Variants in ST3GAL3 observed in about 807,000 individuals in gnomAD.
ST3GAL3 encodes the protein CMP-N-acetylneuraminate-beta-1,4-galactoside alpha-2,3-sialyltransferase.
Under a neutral mutation model 50.1 loss-of-function variants are expected in ST3GAL3, and 21 were observed. The ratio of observed to expected loss-of-function variants is 0.42; its 90% CI spans 0.30 to 0.60. The LOEUF (loss-of-function observed/expected upper bound fraction) is 0.60. Among genes scored for constraint, ST3GAL3 ranks in the 20% least tolerant of loss-of-function variants. The probability of loss-of-function intolerance (pLI) is 0.19; values close to 1 mark genes in which losing one functional copy is unlikely to be tolerated. For missense variants in ST3GAL3, 353 were observed against 489.4 expected (o/e 0.72, Z 2.63); for synonymous variants, 183 against 190.0 (o/e 0.96, Z 0.30).
At chr1:43,831,897 C>T (rs566563622) in intron 4 of ST3GAL3, 1 of 152,294 alleles carries the variant, frequency 6.6e-6, no homozygotes, top group South Asian at 2.1e-4. Flanking sequence ...TCCTTCAGCC[C>T]CATATGCCTG....
chr1:43,768,893 AT>A (rs753094421), intron 2 of ST3GAL3, among the ~76,000 whole-genome samples: 3 of 152,270 alleles, frequency 2.0e-5, no homozygotes, highest in Non-Finnish European at 2.9e-5. Context: ...CTCCTTACTC[AT>A]TTTTTTGAGA....
intron 2 of ST3GAL3, among the ~76,000 whole-genome samples, chr1:43,763,498 T>G (rs1691337169): frequency 6.6e-6 from 1 of 152,212 alleles, no homozygotes. Context: ...GGTTATTAAA[T>G]AGGCTCCATT....
At chr1:43,795,074 C>T (rs2058534251) in intron 3 of ST3GAL3, among the ~76,000 whole-genome samples, 1 of 152,036 alleles carries the variant, frequency 6.6e-6, no homozygotes, top group Non-Finnish European at 1.5e-5. Context: ...ACTAGCTGTG[C>T]TTTGTATTAA....
At chr1:43,897,164 T>C (rs2077511584) in intron 6 of ST3GAL3, among the ~76,000 whole-genome samples, 1 of 151,994 alleles carries the variant, frequency 6.6e-6, no homozygotes, top group Non-Finnish European at 1.5e-5. Flanking sequence ...GCAAACACTC[T>C]TGCATGTCTC....
At chr1:43,730,419 C>T (rs1261971927) in intron 1 of ST3GAL3, among the ~76,000 whole-genome samples, 1 of 152,026 alleles carries the variant, frequency 6.6e-6, no homozygotes, top group Admixed American at 6.6e-5. Flanking sequence ...TTTCTAAGAG[C>T]CACTTGCCTT....
At position 43,876,021 on chromosome 1, in the gene ST3GAL3, A is replaced by G. The variant is rs2074053665; in HGVS notation, c.303-18362A>G. On this transcript the variant is annotated intron_variant, in intron 5 of 11. Coordinates refer to ENST00000347631, the MANE Select transcript of ST3GAL3 (RefSeq NM_006279.5). Reference sequence around the variant, plus strand: ...CTCACTCTGTCATCTAGGCTGGAGTACAGTAGTGTGATCTTGGTTCACTGC... The same window carrying G: ...CTCACTCTGTCATCTAGGCTGGAGTGCAGTAGTGTGATCTTGGTTCACTGC... 2.0e-5 allele frequency among the ~76,000 whole-genome samples: 3 copies of G among 151,082 alleles called. No individual in the cohort carries two copies. In the South Asian group the frequency reaches 6.3e-4, roughly 32 times the overall value.
Position 43,714,362 on chromosome 1 carries a change from C to T in ST3GAL3, c.-31+6669C>T, listed in dbSNP as rs142655487. On this transcript the variant is annotated intron_variant, in intron 1 of 11. Coordinates refer to ENST00000347631, the MANE Select transcript of ST3GAL3 (RefSeq NM_006279.5). ...TAGCACTTTGGGAGGCCGAGGTGGG[C>T]GGATTGCCTGAGTTCAGGAGTTCCA... Among the ~76,000 whole-genome samples the T allele has an allele frequency of 5.1e-3, 717 of 141,380 alleles. 3 individuals carry two copies. Among genetic ancestry groups the T allele is most frequent in the Middle Eastern group, 8.3e-3 (2 of 242 alleles). 92.8% of individuals were successfully genotyped at this position (141,380 alleles called of 152,430 possible). A position where few individuals can be genotyped will look rare whatever the true frequency, so the allele number is the denominator to read the frequency against.
chr1:43,810,006 A>AAAAG (rs1364601303), intron 3 of ST3GAL3, among the ~76,000 whole-genome samples: 6 of 151,202 alleles, frequency 4.0e-5, no homozygotes, highest in African/African-American at 1.5e-4. Context: ...AAAAAAAAAA[A>AAAAG]AAAGAAAGAA....
At chr1:43,911,722 A>T (rs2080964168) in intron 9 of ST3GAL3, among the ~76,000 whole-genome samples, 2 of 147,432 alleles carry the variant, frequency 1.4e-5, no homozygotes, top group African/African-American at 5.0e-5. Flanking sequence ...AGGTCTGGCT[A>T]TGTCACCCAG....
chr1:43,920,563 G>C lies in ST3GAL3; in HGVS notation c.891+13G>C. On this transcript the variant is annotated intron_variant, in intron 10 of 11. Coordinates refer to ENST00000347631, the MANE Select transcript of ST3GAL3 (RefSeq NM_006279.5). ...CATGGGCCGGGGGGTGAGATATCTG[G>C]GCCCTGGGAGAGGGAGGAGGAAAGC... The C allele has an allele frequency of 6.2e-7, 1 of 1,613,410 alleles. No individual in the cohort carries two copies. Among genetic ancestry groups the C allele is most frequent in the Non-Finnish European group, 8.5e-7 (1 of 1,179,328 alleles).
At chr1:43,834,445 G>A (rs2063983955) in intron 4 of ST3GAL3, among the ~76,000 whole-genome samples, 3 of 152,160 alleles carry the variant, frequency 2.0e-5, no homozygotes, top group Non-Finnish European at 4.4e-5. Context: ...CAGTGGAATG[G>A]CTGTTGTTGA....
At chr1:43,806,784 G>A (rs943854250) in intron 3 of ST3GAL3, among the ~76,000 whole-genome samples, 1 of 152,124 alleles carries the variant, frequency 6.6e-6, no homozygotes, top group East Asian at 1.9e-4. Context: ...CGAATTTCCG[G>A]GCTCAGGTGA....
At chr1:43,780,973 G>A (rs567750094) in intron 2 of ST3GAL3, among the ~76,000 whole-genome samples, 1 of 152,228 alleles carries the variant, frequency 6.6e-6, no homozygotes, top group African/African-American at 2.4e-5. Flanking sequence ...CTTGTTTTTA[G>A]TATCATCTTC....
At chr1:43,929,808 A>C (rs1000431205) in intron 11 of ST3GAL3, among the ~76,000 whole-genome samples, 2 of 152,152 alleles carry the variant, frequency 1.3e-5, no homozygotes, top group Admixed American at 1.3e-4. Flanking sequence ...GCTTCATGAC[A>C]AGAAGTGGCT....
intron 9 of ST3GAL3, among the ~76,000 whole-genome samples, chr1:43,906,407 C>T (rs1354442253): frequency 7.0e-6 from 1 of 143,048 alleles, no homozygotes; most frequent in Non-Finnish European, 1.5e-5. Context: ...TTTCTTCCAC[C>T]TCCTCCTGTT....
intron 1 of ST3GAL3, among the ~76,000 whole-genome samples, chr1:43,712,924 G>A (rs1288121476): frequency 2.6e-5 from 4 of 152,214 alleles, no homozygotes; most frequent in Non-Finnish European, 5.9e-5. Flanking sequence ...GCTTTATCCT[G>A]AAGGTGATTA....
rs2066992366 is a variant in ST3GAL3, at chr1:43,850,060, G to A, written c.302+11749G>A. ...TTTTCTAGAATAATTATATCCAGCTGTGAGAAAGCCAGGTTCAAATTAAAA... is the reference window on the plus strand; with the variant it reads ...TTTTCTAGAATAATTATATCCAGCTATGAGAAAGCCAGGTTCAAATTAAAA... On this transcript the variant is annotated intron_variant, in intron 5 of 11. Coordinates refer to ENST00000347631, the MANE Select transcript of ST3GAL3 (RefSeq NM_006279.5). Among the ~76,000 whole-genome samples, 3 of 152,238 alleles carry A rather than the reference G, an allele frequency of 2.0e-5. No homozygotes were observed. In the South Asian group the frequency reaches 6.2e-4, roughly 32 times the overall value.
chr1:43,848,165 C>T (rs1207242436), intron 5 of ST3GAL3, among the ~76,000 whole-genome samples: 1 of 152,070 alleles, frequency 6.6e-6, no homozygotes, highest in Admixed American at 6.6e-5. Flanking sequence ...CCTGACAAAA[C>T]GTCTTCTGTC....
chr1:43,771,729 GTTGTGTGT>G (rs1695267042), intron 2 of ST3GAL3, among the ~76,000 whole-genome samples: 1 of 98,174 alleles, frequency 1.0e-5, no homozygotes, highest in Non-Finnish European at 2.0e-5. Flanking sequence ...TTTTAATAAA[GTTGTGTGT>G]GTGTGTGTGT....
Sources: gnomAD v4.1 joint callset for allele counts (sites outside exome capture counted in the v4.1 genomes callset) on GRCh38, gnomAD v4.1.1 for gene constraint, MANE v1.5 for transcripts, NCBI Gene and HGNC (gene_info 2026-07-23, HGNC 2026-07-21) for gene names.